ZCCHC14: variants seen among roughly 807,000 people sequenced by gnomAD.
The protein encoded by ZCCHC14 is zinc finger CCHC domain-containing protein 14.
In ZCCHC14, 16 loss-of-function variants were observed where a neutral mutation model predicts 85.0. That is an observed-to-expected ratio of 0.19 (90% confidence interval 0.13 to 0.29). The LOEUF (loss-of-function observed/expected upper bound fraction) is 0.29, where lower values mean the gene tolerates loss of function less well. Among genes scored for constraint, ZCCHC14 ranks in the 10% least tolerant of loss-of-function variants. The pLI, the probability that ZCCHC14 is intolerant of heterozygous loss-of-function variation, is 1.00. For synonymous variants in ZCCHC14, 775 were observed against 630.7 expected, an observed-to-expected ratio of 1.23 and a Z score of -3.43; for missense variants, 1,303 against 1,443.5, an observed-to-expected ratio of 0.90 and a Z score of 1.58.
At chr16:87,434,202 G>T (rs1229825397) in intron 2 of ZCCHC14, among the ~76,000 whole-genome samples, 1 of 152,190 alleles carries the variant, frequency 6.6e-6, no homozygotes, top group African/African-American at 2.4e-5. Context: ...GATACAATTA[G>T]GTTTTAAGCA....
chr16:87,469,841 A>G (rs1309604166), intron 1 of ZCCHC14, among the ~76,000 whole-genome samples: 1 of 152,064 alleles, frequency 6.6e-6, no homozygotes, highest in African/African-American at 2.4e-5. Flanking sequence ...GGGGATGAGG[A>G]CAGAGCCACC....
At chr16:87,465,325 A>G (rs1259349791) in intron 1 of ZCCHC14, among the ~76,000 whole-genome samples, 1 of 152,258 alleles carries the variant, frequency 6.6e-6, no homozygotes, top group Non-Finnish European at 1.5e-5. Context: ...ATATCACCAA[A>G]TTTTAATGAA....
intron 8 of ZCCHC14, among the ~76,000 whole-genome samples, chr16:87,417,250 C>G (rs956950757): frequency 1.3e-5 from 2 of 152,208 alleles, no homozygotes; most frequent in African/African-American, 4.8e-5. Context: ...AGCCCCTAGA[C>G]AAGCTGTTTG....
chr16:87,432,866 CCT>C (rs1446169157), intron 3 of ZCCHC14, among the ~76,000 whole-genome samples: 1 of 152,200 alleles, frequency 6.6e-6, no homozygotes, highest in African/African-American at 2.4e-5. Flanking sequence ...TATTTAGCCC[CCT>C]GAGGTATGCA....
At position 87,411,922 on chromosome 16, in the gene ZCCHC14, G is replaced by C. The variant is rs1908468212; in HGVS notation, c.2799C>G (p.Ser933Arg). 1.2e-6 allele frequency: 2 copies of C among 1,602,672 alleles called. No individual in the cohort carries two copies. The highest frequency in any genetic ancestry group is 8.5e-7 in the Non-Finnish European group (1 of 1,176,004). Residue 933 changes from serine to arginine, a missense_variant, in exon 12 of 13, where the codon AGC becomes AGG. Transcript: ENST00000671377. The stretch of plus-strand genomic sequence containing the variant: ...TGACAGTCAGGCCACTCGAGCCGCA[G>C]CTGCCGCTGCAGCCACAGGACGTGC... ...IVCTSCGCSG[S>R]CGSSGLTVSY...
intron 4 of ZCCHC14, among the ~76,000 whole-genome samples, chr16:87,421,657 T>G (rs1022347410): frequency 2.0e-5 from 3 of 152,088 alleles, no homozygotes; most frequent in African/African-American, 7.2e-5. Context: ...GCCACAGGCC[T>G]GCAGGGACGG....
chr16:87,411,900 C>G lies in ZCCHC14; in HGVS notation c.2821G>C (p.Val941Leu), dbSNP rs1597396298. 3.1e-6 allele frequency: 5 copies of G among 1,594,272 alleles called. No individual in the cohort carries two copies. Among genetic ancestry groups the G allele is most frequent in the Non-Finnish European group, 4.3e-6 (5 of 1,171,896 alleles). Residue 941 changes from valine (V) to leucine (L), a missense_variant, in exon 12 of 13, where the codon GTC becomes CTC. This residue lies in a region of ZCCHC14 where 797 missense variants were observed against 730.8 expected (regional missense o/e 1.09). Coordinates refer to ENST00000671377, the MANE Select transcript of ZCCHC14 (RefSeq NM_015144.3). ...TGCTGGAAGTAGTTGGCGTAGCTGACAGTCAGGCCACTCGAGCCGCAGCTG... is the reference window on the plus strand; with the variant it reads ...TGCTGGAAGTAGTTGGCGTAGCTGAGAGTCAGGCCACTCGAGCCGCAGCTG... Reference protein sequence around the residue: ...SGSCGSSGLTVSYANYFQHPF... With the variant: ...SGSCGSSGLTLSYANYFQHPF...
At position 87,474,548 on chromosome 16, in the gene ZCCHC14, A is replaced by G. The variant is rs543719460; in HGVS notation, c.571-14417T>C. Among the ~76,000 whole-genome samples the G allele has an allele frequency of 2.2e-4, 33 of 151,770 alleles. No individual in the cohort carries two copies. The South Asian group carries it at 5.2e-3, about 24-fold the overall frequency. On this transcript the variant is annotated intron_variant, in intron 1 of 12. Coordinates refer to ENST00000671377, the MANE Select transcript of ZCCHC14 (RefSeq NM_015144.3). ...TAACTATAAACTCTGGACAAAGCAT[A>G]AAAAAACAAACTGAACAGGACCAAG...
chr16:87,421,222 C>T (rs186796417), intron 4 of ZCCHC14, among the ~76,000 whole-genome samples: 120 of 152,274 alleles, frequency 7.9e-4, no homozygotes, highest in Non-Finnish European at 1.3e-3. Context: ...ACCTGGGGAC[C>T]GGGCACCAGG....
chr16:87,491,592 T>C lies in ZCCHC14; in HGVS notation c.570+77A>G. The C allele has an allele frequency of 7.7e-7, 1 of 1,291,212 alleles. No individual in the cohort carries two copies. The allele number at this position is 1,291,212 out of a possible 1,614,324, so 80.0% of individuals were successfully genotyped here. A position where few individuals can be genotyped will look rare whatever the true frequency, so the allele number is the denominator to read the frequency against. On this transcript the variant is annotated intron_variant, in intron 1 of 12. Transcript: ENST00000671377. The surrounding 1 kb of genome is among the most constrained non-coding windows in gnomAD (Gnocchi z 5.9). The stretch of plus-strand genomic sequence containing the variant: ...GGAGGCGTGGGTCGGGGGGTCGCGG[T>C]GCAGGCTGGAGGCTTGGAGTGCAGA...
chr16:87,460,125 G>C lies in ZCCHC14; in HGVS notation c.577C>G (p.Pro193Ala), dbSNP rs1279874371. The change falls in exon 2 of 13, where the codon CCA (proline) becomes GCA (alanine). Residue 193 changes from proline to alanine, a missense_variant. Pro to Ala is a conservative substitution (Grantham distance 27, BLOSUM62 -1). This residue lies in a region of ZCCHC14 where 389 missense variants were observed against 397.8 expected (regional missense o/e 0.98). Transcript: ENST00000671377. ...PTCPACHKIT[P>A]RTEAPVSSVS... ...CTGCTGACAGGGGCCTCAGTTCTTG[G>C]AGTGATCTGAGGGAACAGAAACAGA... The C allele has an allele frequency of 1.2e-6, 2 of 1,614,146 alleles. No individual in the cohort carries two copies. Among genetic ancestry groups the C allele is most frequent in the Non-Finnish European group, 1.7e-6 (2 of 1,180,022 alleles).
intron 3 of ZCCHC14, among the ~76,000 whole-genome samples, chr16:87,432,779 T>G (rs531132361): frequency 1.3e-5 from 2 of 152,342 alleles, no homozygotes; most frequent in African/African-American, 2.4e-5. Flanking sequence ...CAAGGAGCTT[T>G]CATCATCAGT....
At position 87,410,355 on chromosome 16, in the gene ZCCHC14, G is replaced by A; in HGVS notation, c.3206-20C>T. ...AAGTACCTAGAGAGAGGGGAAAAAA[G>A]AGGTCAAATTTGAATGACTGTAGAA... On this transcript the variant is annotated intron_variant, in intron 12 of 12. Coordinates refer to ENST00000671377, the MANE Select transcript of ZCCHC14 (RefSeq NM_015144.3). 1 of 772,912 alleles carries A rather than the reference G, an allele frequency of 1.3e-6. No individual in the cohort carries two copies. The highest frequency in any genetic ancestry group is 2.4e-6 in the Non-Finnish European group (1 of 415,214). 47.9% of individuals were successfully genotyped at this position (772,912 alleles called of 1,614,324 possible). A position where few individuals can be genotyped will look rare whatever the true frequency, so the allele number is the denominator to read the frequency against.
intron 2 of ZCCHC14, among the ~76,000 whole-genome samples, chr16:87,445,268 T>G (rs906065822): frequency 1.3e-5 from 2 of 152,126 alleles, no homozygotes; most frequent in Non-Finnish European, 2.9e-5. Context: ...GGTTTCACCA[T>G]GTTGACCAGG....
intron 2 of ZCCHC14, among the ~76,000 whole-genome samples, chr16:87,446,976 C>T (rs534129120): frequency 2.6e-5 from 4 of 152,090 alleles, no homozygotes; most frequent in Non-Finnish European, 4.4e-5. Flanking sequence ...TATGAGCCAC[C>T]GTGCCCGGCC....
chr16:87,443,191 G>C (rs895351650), intron 2 of ZCCHC14, among the ~76,000 whole-genome samples: 2 of 152,232 alleles, frequency 1.3e-5, no homozygotes, highest in African/African-American at 4.8e-5. Context: ...GAATTCCTAA[G>C]ACAACTGTGA....
intron 8 of ZCCHC14, among the ~76,000 whole-genome samples, chr16:87,416,283 C>T (rs1013089944): frequency 5.9e-5 from 9 of 152,278 alleles, no homozygotes; most frequent in South Asian, 2.1e-4. Flanking sequence ...ATGCCATCCA[C>T]GCTGAATGGT....
At position 87,412,418 on chromosome 16, in the gene ZCCHC14, T is replaced by C; in HGVS notation, c.2303A>G (p.His768Arg). The C allele has an allele frequency of 1.2e-6, 2 of 1,614,080 alleles. No individual in the cohort carries two copies. Among genetic ancestry groups the C allele is most frequent in the African/African-American group, 1.3e-5 (1 of 75,030 alleles). Reference protein sequence around the residue: ...AATGTPSTVLHAARPPIKLLL... With the variant: ...AATGTPSTVLRAARPPIKLLL... ...CAGTTTGATGGGCGGACGGGCGGCG[T>C]GGAGGACTGTGCTGGGCGTCCCCGT... Residue 768 changes from histidine (H) to arginine (R), a missense_variant, in exon 12 of 13, where the codon CAC becomes CGC. This residue lies in a region of ZCCHC14 where 797 missense variants were observed against 730.8 expected (regional missense o/e 1.09). Transcript: ENST00000671377.
intron 4 of ZCCHC14, among the ~76,000 whole-genome samples, chr16:87,422,173 A>C (rs1909133471): frequency 6.6e-6 from 1 of 152,166 alleles, no homozygotes; most frequent in Non-Finnish European, 1.5e-5. Flanking sequence ...CTAGGGGCAA[A>C]AACACAAAAG....
Sources: gnomAD v4.1 joint callset for allele counts (sites outside exome capture counted in the v4.1 genomes callset) on GRCh38, gnomAD v4.1.1 for gene constraint, gnomAD v4.1.1 regional missense constraint, Gnocchi (gnomAD v3.1) non-coding constraint, MANE v1.5 for transcripts, NCBI Gene and HGNC (gene_info 2026-07-23, HGNC 2026-07-21) for gene names.